SEMA5A: variants seen among roughly 807,000 people sequenced by gnomAD.
SEMA5A encodes the protein semaphorin-5A.
In SEMA5A, 55 loss-of-function variants were observed where a neutral mutation model predicts 135.5. The observed-to-expected ratio is 0.41, with a 90% CI of 0.33 to 0.51. The LOEUF is 0.51. Ranked by LOEUF, SEMA5A falls within the 20% of genes least tolerant of loss-of-function variation. SEMA5A has a pLI of 0.37. For synonymous variants in SEMA5A, 580 were observed against 546.5 expected, an observed-to-expected ratio of 1.06 and a Z score of -0.85; for missense variants, 1,290 against 1,419.9, an observed-to-expected ratio of 0.91 and a Z score of 1.47.
chr5:9,210,207 G>A (rs905981813), intron 8 of SEMA5A, among the ~76,000 whole-genome samples: 1 of 152,112 alleles, frequency 6.6e-6, no homozygotes, highest in African/African-American at 2.4e-5. Context: ...AAATCTAAAG[G>A]TAGTAAAAGA....
intron 16 of SEMA5A, among the ~76,000 whole-genome samples, chr5:9,083,461 G>C (rs1392209596): frequency 2.6e-5 from 4 of 152,116 alleles, no homozygotes; most frequent in Non-Finnish European, 5.9e-5. Context: ...AATGACCTAA[G>C]TACCATAATT....
intron 5 of SEMA5A, among the ~76,000 whole-genome samples, chr5:9,269,277 C>A (rs917661150): frequency 6.6e-6 from 1 of 152,092 alleles, no homozygotes; most frequent in East Asian, 1.9e-4. Context: ...AGGAGATGGC[C>A]AGGCAGATAA....
chr5:9,219,626 T>A (rs1231953544), intron 8 of SEMA5A, among the ~76,000 whole-genome samples: 1 of 152,142 alleles, frequency 6.6e-6, no homozygotes, highest in Non-Finnish European at 1.5e-5. Flanking sequence ...AGGGAGAAGA[T>A]GACATCTACA....
chr5:9,489,279 C>A (rs946882839), intron 1 of SEMA5A, among the ~76,000 whole-genome samples: 1 of 151,886 alleles, frequency 6.6e-6, no homozygotes, highest in African/African-American at 2.4e-5. Flanking sequence ...TACCTGCTCT[C>A]AGAATGCTTA....
At chr5:9,108,858 T>G (rs1461371347) in intron 15 of SEMA5A, among the ~76,000 whole-genome samples, 1 of 151,846 alleles carries the variant, frequency 6.6e-6, no homozygotes, top group Non-Finnish European at 1.5e-5. Context: ...TGCCAAACAA[T>G]TTAAAAGACC....
At chr5:9,163,866 G>A (rs548525596) in intron 11 of SEMA5A, among the ~76,000 whole-genome samples, 33 of 151,712 alleles carry the variant, frequency 2.2e-4, no homozygotes, top group African/African-American at 6.5e-4. Context: ...CAAACCTGCC[G>A]ACAGCTTGAT....
At position 9,156,675 on chromosome 5, in the gene SEMA5A, G is replaced by A. The variant is rs909119430; in HGVS notation, c.1274-1980C>T. Among the ~76,000 whole-genome samples, 9 of 152,206 alleles carry A rather than the reference G, an allele frequency of 5.9e-5. 1 individual carries two copies. The highest frequency in any genetic ancestry group is 1.9e-4 in the African/African-American group (8 of 41,454). On this transcript the variant is annotated intron_variant, in intron 11 of 22. Coordinates refer to ENST00000382496, the MANE Select transcript of SEMA5A (RefSeq NM_003966.3). ...GTCAGGATCCAGCTGGAGGATCACTGTGCTGTGACCAGCGTCACACTAGTT... is the reference window on the plus strand; with the variant it reads ...GTCAGGATCCAGCTGGAGGATCACTATGCTGTGACCAGCGTCACACTAGTT...
intron 4 of SEMA5A, among the ~76,000 whole-genome samples, chr5:9,320,075 C>A (rs1177877663): frequency 6.6e-6 from 1 of 152,174 alleles, no homozygotes. Flanking sequence ...GGCATTGCCT[C>A]CTGGGCATTC....
At chr5:9,092,508 A>T (rs942789744) in intron 16 of SEMA5A, among the ~76,000 whole-genome samples, 1 of 152,338 alleles carries the variant, frequency 6.6e-6, no homozygotes, top group East Asian at 1.9e-4. Flanking sequence ...ATGACTGTAC[A>T]CTATTACTGC....
intron 8 of SEMA5A, 134 bp from the exon 9 acceptor site, chr5:9,202,374 G>C: frequency 1.4e-6 from 1 of 693,238 alleles, no homozygotes; most frequent in Non-Finnish European, 2.2e-6. Flanking sequence ...ACTATTGGGA[G>C]GCCCCGTGAG....
At chr5:9,462,169 A>G (rs550807003) in intron 1 of SEMA5A, among the ~76,000 whole-genome samples, 35 of 152,278 alleles carry the variant, frequency 2.3e-4, no homozygotes, top group African/African-American at 7.9e-4. Context: ...TGCCTCTTAC[A>G]TGAGCACACT....
At chr5:9,492,748 G>A (rs1421787318) in intron 1 of SEMA5A, among the ~76,000 whole-genome samples, 3 of 152,258 alleles carry the variant, frequency 2.0e-5, no homozygotes, top group Admixed American at 6.5e-5. Context: ...ATATTACTAC[G>A]TGAAAGAAGC....
intron 5 of SEMA5A, among the ~76,000 whole-genome samples, chr5:9,291,478 C>T (rs1751075021): frequency 6.6e-6 from 1 of 151,974 alleles, no homozygotes; most frequent in African/African-American, 2.4e-5. Context: ...AAGGCAGGTG[C>T]CATGTAAGAA....
At chr5:9,269,398 G>T (rs145095564) in intron 5 of SEMA5A, among the ~76,000 whole-genome samples, 28 of 152,270 alleles carry the variant, frequency 1.8e-4, no homozygotes, top group Admixed American at 3.3e-4. Flanking sequence ...AATGGAGATG[G>T]CTATGGAATT....
At chr5:9,232,634 T>C (rs1747697781) in intron 6 of SEMA5A, among the ~76,000 whole-genome samples, 1 of 152,214 alleles carries the variant, frequency 6.6e-6, no homozygotes, top group South Asian at 2.1e-4. Context: ...TGCTATGTAA[T>C]GTACAGTGTA....
intron 1 of SEMA5A, chr5:9,522,850 A>G (rs1194261814): frequency 1.3e-5 from 2 of 152,242 alleles, no homozygotes; most frequent in Non-Finnish European, 2.9e-5. Context: ...AATTGAATGC[A>G]CACAGCCTTT....
intron 1 of SEMA5A, among the ~76,000 whole-genome samples, chr5:9,533,019 C>T (rs1737544401): frequency 6.6e-6 from 1 of 152,198 alleles, no homozygotes; most frequent in African/African-American, 2.4e-5. Context: ...CCCATGCTTA[C>T]AAATAGAGGT....
intron 5 of SEMA5A, among the ~76,000 whole-genome samples, chr5:9,286,019 T>A (rs919865856): frequency 1.3e-5 from 2 of 152,220 alleles, no homozygotes; most frequent in Non-Finnish European, 2.9e-5. Flanking sequence ...GTTCCATACA[T>A]AGGTACAACT....
chr5:9,406,175 CA>C (rs1756879302), intron 2 of SEMA5A, among the ~76,000 whole-genome samples: 1 of 152,186 alleles, frequency 6.6e-6, no homozygotes, highest in Non-Finnish European at 1.5e-5. Flanking sequence ...TGCACAAGAG[CA>C]GTATTTGTCC....
Sources: allele counts gnomAD v4.1 joint callset (sites outside exome capture counted in the v4.1 genomes callset), GRCh38; gene constraint gnomAD v4.1.1; transcripts MANE v1.5; gene names NCBI Gene and HGNC (gene_info 2026-07-23, HGNC 2026-07-21).